Variants in MACF1 observed in about 807,000 individuals in gnomAD.
MACF1 encodes the protein microtubule actin crosslinking factor 1, also known as microtubule-actin cross-linking factor 1.
A neutral mutation model predicts 854.8 loss-of-function variants in MACF1; 193 were observed. The ratio of observed to expected loss-of-function variants is 0.23; its 90% CI spans 0.20 to 0.25. The LOEUF is 0.25. MACF1 is among the 10% of genes least tolerant of loss of function. The probability of loss-of-function intolerance (pLI) is 1.00; values close to 1 mark genes in which losing one functional copy is unlikely to be tolerated. For missense variants in MACF1, 7,722 were observed against 8,929.1 expected, an observed-to-expected ratio of 0.86 and a Z score of 5.45; for synonymous variants, 3,185 against 3,226.7, an observed-to-expected ratio of 0.99 and a Z score of 0.44.
At chr1:39,439,730 T>G (rs747079926) in intron 72 of MACF1, among the ~76,000 whole-genome samples, 1 of 152,132 alleles carries the variant, frequency 6.6e-6, no homozygotes, top group Admixed American at 6.6e-5. Context: ...CTCAGCCTCT[T>G]GAATAGCTGG....
In MACF1 at chr1:39,452,753, T is replaced by G. The variant is rs1291828300; in HGVS notation, c.20683T>G (p.Phe6895Val). The change falls in exon 87 of 101, where the codon TTT becomes GTT. Residue 6895 changes from phenylalanine to valine, a missense_variant. By Grantham distance (50) the Phe-to-Val change is conservative. Transcript: ENST00000564288. ...WLSEAEQTLR[F>V]RGALPDDTEA... ...TTCTGAAGCAGAGCAAACGCTTCGC[T>G]TTCGGGGAGCACTTCCTGATGACAC... The G allele has an allele frequency of 6.2e-7, 1 of 1,614,096 alleles. No homozygotes were observed. Among genetic ancestry groups the G allele is most frequent in the Non-Finnish European group, 8.5e-7 (1 of 1,180,020 alleles).
At position 39,464,909 on chromosome 1, in the gene MACF1, C is replaced by CAA. The variant is rs5773660; in HGVS notation, c.21754-170_21754-169dup. 2.6e-3 allele frequency: 1,174 copies of CAA among 454,172 alleles called. 4 individuals are homozygous for CAA. Among genetic ancestry groups the CAA allele is most frequent in the African/African-American group, 0.019 (755 of 38,826 alleles). 28.1% of individuals were successfully genotyped at this position (454,172 alleles called of 1,614,324 possible). The stretch of plus-strand genomic sequence containing the variant: ...AGCCTGGGCAACAGAGCGAGACTCT[C>CAA]AAAAAAAAAAAAAAAAATTAAAACC... On this transcript the variant is annotated intron_variant, in intron 94 of 100. Coordinates refer to ENST00000564288, the MANE Select transcript of MACF1 (RefSeq NM_001394062.1).
chr1:39,414,339 T>A, intron 58 of MACF1: 1 of 1,614,020 alleles, frequency 6.2e-7, no homozygotes, highest in African/African-American at 1.3e-5. Context: ...GAACACCTGT[T>A]CTAGAGGAGG....
chr1:39,160,028 A>G (rs1030162735), intron 2 of MACF1, among the ~76,000 whole-genome samples: 7 of 152,166 alleles, frequency 4.6e-5, no homozygotes, highest in African/African-American at 9.7e-5. Flanking sequence ...ATAAAGGGAT[A>G]TACAGGTCGG....
At position 39,453,776 on chromosome 1, in the gene MACF1, C is replaced by T. The variant is rs1374203268; in HGVS notation, c.20812C>T (p.Leu6938=). ...NSAVAMGEVI[L]AVCHPDCITT... is the part of the protein sequence containing the mutation. ...AGCAGTAGCCATGGGAGAAGTCATC[C>T]TGGCTGTCTGCCACCCCGATTGCAT... is the stretch of plus-strand genomic sequence containing the variant. Residue 6938 remains leucine, a synonymous_variant, in exon 88 of 101, where the codon CTG becomes TTG. Coordinates refer to ENST00000564288, the MANE Select transcript of MACF1 (RefSeq NM_001394062.1). The T allele has an allele frequency of 1.6e-5, 26 of 1,613,996 alleles. No individual in the cohort carries two copies. In the Admixed American group the frequency reaches 3.5e-4, roughly 22 times the overall value.
At chr1:39,353,310 T>A in intron 44 of MACF1, 79 bp downstream of exon 44, 1 of 1,076,120 alleles carries the variant, frequency 9.3e-7, no homozygotes, top group Non-Finnish European at 1.3e-6. Flanking sequence ...ACCTTGCCCC[T>A]AAATCCAGTG....
intron 2 of MACF1, among the ~76,000 whole-genome samples, chr1:39,184,609 G>A (rs1046241755): frequency 4.6e-5 from 7 of 152,058 alleles, no homozygotes; most frequent in Admixed American, 3.3e-4. Context: ...GTGTGGTGGC[G>A]GGATGGAGAG....
rs186890256 is a variant in MACF1 at position 39,377,981 on chromosome 1, G to A, written c.13214-480G>A. ...ATCATGCCACCGCACTTCAGTCTGG[G>A]CAACAGAGTGAGACTCTGTCTCAAA... is the stretch of plus-strand genomic sequence containing the variant. On this transcript the variant is annotated intron_variant, in intron 52 of 100. Coordinates refer to ENST00000564288, the MANE Select transcript of MACF1 (RefSeq NM_001394062.1). Among the ~76,000 whole-genome samples, 7 of 151,840 alleles carry A rather than the reference G, an allele frequency of 4.6e-5. No homozygotes were observed. The South Asian group carries it at 8.4e-4, about 18-fold the overall frequency.
chr1:39,144,765 A>G (rs1343440852), intron 2 of MACF1, among the ~76,000 whole-genome samples: 1 of 151,778 alleles, frequency 6.6e-6, no homozygotes, highest in Non-Finnish European at 1.5e-5. Flanking sequence ...TGCTGGGATT[A>G]CAGGTGTGAA....
chr1:39,123,257 G>C (rs927281225), intron 2 of MACF1, among the ~76,000 whole-genome samples: 4 of 142,224 alleles, frequency 2.8e-5, no homozygotes, highest in Non-Finnish European at 6.0e-5. Flanking sequence ...GCCCAGGCTG[G>C]AGTGCAGTGG....
intron 58 of MACF1, chr1:39,413,873 C>G: frequency 1.9e-6 from 3 of 1,610,290 alleles, no homozygotes; most frequent in Non-Finnish European, 2.5e-6. Flanking sequence ...GCTTCAGTGC[C>G]CACCCCTGCA....
intron 40 of MACF1, among the ~76,000 whole-genome samples, chr1:39,344,059 G>C (rs1393084408): frequency 2.0e-5 from 3 of 149,868 alleles, no homozygotes; most frequent in African/African-American, 7.4e-5. Flanking sequence ...AGGTTGTGGT[G>C]AGCCGAGGTT....
At chr1:39,260,194 A>G (rs899861261) in intron 6 of MACF1, among the ~76,000 whole-genome samples, 2 of 152,116 alleles carry the variant, frequency 1.3e-5, no homozygotes, top group African/African-American at 2.4e-5. Context: ...GCATGACCAC[A>G]GTGGTCTTTG....
chr1:39,203,821 C>A (rs1425814627), upstream of MACF1, among the ~76,000 whole-genome samples: 1 of 152,126 alleles, frequency 6.6e-6, no homozygotes, highest in Non-Finnish European at 1.5e-5. Context: ...TATATGGATG[C>A]ACAATTTGTT....
intron 6 of MACF1, among the ~76,000 whole-genome samples, chr1:39,280,168 G>A (rs1645515310): frequency 2.6e-5 from 4 of 152,168 alleles, no homozygotes; most frequent in South Asian, 2.1e-4. Flanking sequence ...AAAATGTTGG[G>A]ATTATAGGTG....
intron 97 of MACF1, among the ~76,000 whole-genome samples, chr1:39,476,601 CT>C (rs1458150963): frequency 6.6e-6 from 1 of 151,836 alleles, no homozygotes; most frequent in African/African-American, 2.4e-5. Context: ...GAAATTTATC[CT>C]AAGGAAATAT....
chr1:39,359,743 G>A (rs1647904340), intron 47 of MACF1, among the ~76,000 whole-genome samples: 1 of 151,278 alleles, frequency 6.6e-6, no homozygotes, highest in South Asian at 2.1e-4. Flanking sequence ...GGCCGAGGCG[G>A]GCAGATCACG....
intron 58 of MACF1, chr1:39,413,241 C>T: frequency 6.2e-7 from 1 of 1,612,646 alleles, no homozygotes; most frequent in Non-Finnish European, 8.5e-7. Flanking sequence ...CTGCAGCTGT[C>T]AGAGTGTCCA....
intron 2 of MACF1, among the ~76,000 whole-genome samples, chr1:39,194,463 T>C (rs1427390216): frequency 1.3e-5 from 2 of 149,850 alleles, no homozygotes; most frequent in African/African-American, 2.5e-5. Flanking sequence ...AAGGGATTCT[T>C]CTGACTCAGC....
Sources: allele counts gnomAD v4.1 joint callset (sites outside exome capture counted in the v4.1 genomes callset), GRCh38; gene constraint gnomAD v4.1.1; transcripts MANE v1.5; gene names NCBI Gene and HGNC (gene_info 2026-07-23, HGNC 2026-07-21).